TTYH3: variants seen among roughly 807,000 people sequenced by gnomAD.
The protein encoded by TTYH3 is protein tweety homolog 3.
TTYH3 carries 23 observed loss-of-function variants against 68.2 expected under a neutral mutation model. That is an observed-to-expected ratio of 0.34 (90% CI 0.24 to 0.48). The LOEUF is 0.48. Ranked by LOEUF, TTYH3 falls within the 20% of genes least tolerant of loss-of-function variation. The pLI is 0.99. For synonymous variants in TTYH3, 360 were observed against 332.8 expected (o/e 1.08, Z -0.89); for missense variants, 768 against 727.7 (o/e 1.06, Z -0.64).
chr7:2,637,944 T>C (rs1785724153), intron 1 of TTYH3, among the ~76,000 whole-genome samples: 1 of 152,018 alleles, frequency 6.6e-6, no homozygotes, highest in South Asian at 2.1e-4. Flanking sequence ...ACCCACAGAG[T>C]GCCAGTGCCT....
At chr7:2,647,673 TG>T in intron 4 of TTYH3, 35 bp downstream of exon 4, 1 of 1,532,816 alleles carries the variant, frequency 6.5e-7, no homozygotes, top group Non-Finnish European at 8.8e-7. Flanking sequence ...CCGCCCCACG[TG>T]GGAAAGCATC....
rs2114973502 is a variant in TTYH3 at position 2,638,066 on chromosome 7, TG to T, written c.123+5792del. Reference sequence around the variant, plus strand: ...TCGTGGAAGAGCACTCCTGAAGTTCTGGGGTGCACCCAGCTCTGAGCCCTGC... The same window carrying T: ...TCGTGGAAGAGCACTCCTGAAGTTCTGGGTGCACCCAGCTCTGAGCCCTGC... On this transcript the variant is annotated intron_variant, in intron 1 of 13. Transcript: ENST00000258796. Among the ~76,000 whole-genome samples, 2 of 152,266 alleles carry T rather than the reference TG, an allele frequency of 1.3e-5. 1 individual carries two copies. Among genetic ancestry groups the T allele is most frequent in the South Asian group, 4.1e-4 (2 of 4,826 alleles).
chr7:2,651,384 A>G (rs1786171869), intron 7 of TTYH3, among the ~76,000 whole-genome samples: 1 of 151,952 alleles, frequency 6.6e-6, no homozygotes, highest in Admixed American at 6.6e-5. Context: ...TCTGCCGCCC[A>G]CTGACCTTGT....
intron 8 of TTYH3, 146 bp from the exon 9 acceptor site, chr7:2,652,772 G>A: frequency 1.5e-6 from 1 of 654,302 alleles, no homozygotes; most frequent in Non-Finnish European, 2.7e-6. Flanking sequence ...GCAAGGGCAG[G>A]GAGTGCCCTG....
At chr7:2,639,009 C>G (rs1785756976) in intron 1 of TTYH3, among the ~76,000 whole-genome samples, 1 of 152,130 alleles carries the variant, frequency 6.6e-6, no homozygotes, top group Non-Finnish European at 1.5e-5. Context: ...CTTTCCTGAC[C>G]CTGGCCCAGG....
intron 8 of TTYH3, 75 bp from the exon 9 acceptor site, chr7:2,652,843 C>A (rs925628039): frequency 3.2e-6 from 4 of 1,241,022 alleles, no homozygotes; most frequent in Non-Finnish European, 4.6e-6. Flanking sequence ...GGTGTCCCCG[C>A]GTTGGAGGGT....
rs773686995 is a variant in TTYH3, at chr7:2,658,394, C to T, written c.1359C>T (p.Tyr453=). ...GCCTGTACAGCTGTGGCAGCAGCTA[C>T]GGCAGTGAGACCAGCATCCCGGCCG... ...MPSLYSCGSS[Y]GSETSIPAAA... Residue 453 remains tyrosine (Y), a synonymous_variant, in exon 12 of 14, where the codon TAC becomes TAT. Transcript: ENST00000258796. 1.8e-5 allele frequency: 29 copies of T among 1,612,090 alleles called. No homozygotes were observed. The highest frequency in any genetic ancestry group is 1.6e-4 in the Middle Eastern group (1 of 6,078).
chr7:2,658,219 C>A (rs867875609), intron 11 of TTYH3, 67 bp from the exon 12 acceptor site: 2 of 1,427,628 alleles, frequency 1.4e-6, no homozygotes, highest in South Asian at 2.9e-5. Flanking sequence ...AGAACTGACC[C>A]CCATGGGTCT....
intron 1 of TTYH3, among the ~76,000 whole-genome samples, chr7:2,638,720 C>G (rs1246652336): frequency 1.3e-5 from 2 of 152,192 alleles, no homozygotes; most frequent in African/African-American, 4.8e-5. Context: ...GGTGGAAAAT[C>G]TGTTTTTAAT....
rs1006501784 is a variant in TTYH3 at position 2,649,667 on chromosome 7, G to T, written c.795+28G>T. 4.4e-6 allele frequency: 7 copies of T among 1,583,350 alleles called. No homozygotes were observed. In the Admixed American group the frequency reaches 1.2e-4, roughly 28 times the overall value. Reference sequence around the variant, plus strand: ...GAGTGGCAGAGGGGGTGAGGTCCCCGGCTGCTGGACCTGGGCACTGGGGGA... The same window carrying T: ...GAGTGGCAGAGGGGGTGAGGTCCCCTGCTGCTGGACCTGGGCACTGGGGGA... On this transcript the variant is annotated intron_variant, in intron 6 of 13. Coordinates refer to ENST00000258796, the MANE Select transcript of TTYH3 (RefSeq NM_025250.3).
chr7:2,662,198 G>T lies in TTYH3; in HGVS notation c.*459G>T. 3.6e-6 allele frequency: 1 copy of T among 277,366 alleles called. No individual in the cohort carries two copies. The highest frequency in any genetic ancestry group is 7.0e-6 in the Non-Finnish European group (1 of 143,770). The allele number at this position is 277,366 out of a possible 1,614,324, so 17.2% of individuals were successfully genotyped here. On this transcript the variant is annotated 3_prime_UTR_variant, in exon 14 of 14. Coordinates refer to ENST00000258796, the MANE Select transcript of TTYH3 (RefSeq NM_025250.3). ...GCTGGCCACTGAGGGACAGGGACAC[G>T]TGCCACCTGCTCATCTCTGCCCTGA...
intron 7 of TTYH3, among the ~76,000 whole-genome samples, chr7:2,650,259 G>T (rs1353444398): frequency 6.6e-6 from 1 of 152,212 alleles, no homozygotes; most frequent in Admixed American, 6.5e-5. Context: ...AGATGCCCAG[G>T]GGAGGCCAAA....
chr7:2,636,817 G>A (rs1204287553), intron 1 of TTYH3, among the ~76,000 whole-genome samples: 1 of 152,006 alleles, frequency 6.6e-6, no homozygotes, highest in Non-Finnish European at 1.5e-5. Flanking sequence ...GTGGGTGTCA[G>A]GCCACCCTTG....
intron 7 of TTYH3, among the ~76,000 whole-genome samples, chr7:2,650,488 G>T (rs1786139824): frequency 6.6e-6 from 1 of 152,060 alleles, no homozygotes; most frequent in African/African-American, 2.4e-5. Context: ...TGAGGCACGA[G>T]AATTGCCTGA....
rs1786399586 is a variant in TTYH3 at position 2,658,429 on chromosome 7, C to A, written c.1394C>A (p.Thr465Asn). Reference protein sequence around the residue: ...SETSIPAAAHTVSNAPVTEYM... With the variant: ...SETSIPAAAHNVSNAPVTEYM... ...ACCAGCATCCCGGCCGCGGCCCACA[C>A]CGTCAGCAACGCCCCGGTCACTGAG... is the stretch of plus-strand genomic sequence containing the variant. The change falls in exon 12 of 14, where the codon ACC becomes AAC. Residue 465 changes from threonine (T) to asparagine (N), a missense_variant. Thr to Asn is a moderately conservative substitution (Grantham distance 65). Transcript: ENST00000258796. 2 of 1,612,260 alleles carry A rather than the reference C, an allele frequency of 1.2e-6. No individual in the cohort carries two copies. Among genetic ancestry groups the A allele is most frequent in the Non-Finnish European group, 8.5e-7 (1 of 1,179,624 alleles).
intron 1 of TTYH3, among the ~76,000 whole-genome samples, chr7:2,633,009 A>G (rs1785562309): frequency 6.6e-6 from 1 of 152,120 alleles, no homozygotes; most frequent in Non-Finnish European, 1.5e-5. Context: ...GGCTGAGCCC[A>G]GGCAGACCTG....
chr7:2,648,133 C>G (rs1290320432), intron 5 of TTYH3, 79 bp downstream of exon 5: 19 of 1,361,064 alleles, frequency 1.4e-5, no homozygotes, highest in African/African-American at 2.8e-5. Flanking sequence ...CTTCCCCCAC[C>G]TCATCTGCAG....
At position 2,650,009 on chromosome 7, in the gene TTYH3, G is replaced by C. The variant is rs146833470; in HGVS notation, c.871+21G>C. On this transcript the variant is annotated intron_variant, in intron 7 of 13. Transcript: ENST00000258796. ...TGGGGGTGAGTCTGTGTCCACGGCCGTGTCCCAGCGGGTTCCCCAGGGTTG... is the reference window on the plus strand; with the variant it reads ...TGGGGGTGAGTCTGTGTCCACGGCCCTGTCCCAGCGGGTTCCCCAGGGTTG... 7 of 1,613,250 alleles carry C rather than the reference G, an allele frequency of 4.3e-6. No homozygotes were observed. In the African/African-American group the frequency reaches 6.7e-5, roughly 15 times the overall value.
At chr7:2,652,106 G>A (rs1274834485) in intron 7 of TTYH3, 81 bp from the exon 8 acceptor site, 2 of 1,225,926 alleles carry the variant, frequency 1.6e-6, no homozygotes, top group Non-Finnish European at 2.4e-6. Flanking sequence ...CTGAAGATAT[G>A]CGTGCAGACA....
Sources: gnomAD v4.1 joint callset for allele counts (sites outside exome capture counted in the v4.1 genomes callset) on GRCh38, gnomAD v4.1.1 for gene constraint, MANE v1.5 for transcripts, NCBI Gene and HGNC (gene_info 2026-07-23, HGNC 2026-07-21) for gene names.